The following TMUB2 variants were observed in gnomAD, a reference collection of about 807,000 sequenced individuals.
TMUB2 encodes transmembrane and ubiquitin like domain containing 2.
A neutral mutation model predicts 20.2 loss-of-function variants in TMUB2; 19 were observed. That is an observed-to-expected ratio of 0.94 (90% CI 0.66 to 1.38). The LOEUF (loss-of-function observed/expected upper bound fraction) is 1.38. Ranked by LOEUF, TMUB2 falls within the 40% of genes most tolerant of loss-of-function variation. The probability of loss-of-function intolerance (pLI) is 0.00; values close to 1 mark genes in which losing one functional copy is unlikely to be tolerated. For missense variants in TMUB2, 426 were observed against 402.5 expected, an observed-to-expected ratio of 1.06 and a Z score of -0.50; for synonymous variants, 186 against 166.0, an observed-to-expected ratio of 1.12 and a Z score of -0.92.
rs186000803 is a variant in TMUB2, at chr17:44,187,561, C to T, written c.-33-115C>T. 917 of 649,436 alleles carry T rather than the reference C, an allele frequency of 1.4e-3. 12 individuals carry two copies. In the African/African-American group the frequency reaches 0.014, roughly 10 times the overall value. The allele number at this position is 649,436 out of a possible 1,614,324, so 40.2% of individuals were successfully genotyped here. ...TGCCAATCGTTTTCGTCTTTCTTTG[C>T]CGCAGTTTCTTTTCCTGTAAATCAT... On this transcript the variant is annotated intron_variant, in intron 1 of 3. Coordinates refer to ENST00000538716, the MANE Select transcript of TMUB2 (RefSeq NM_001076674.3).
chr17:44,189,203 G>A lies in TMUB2; in HGVS notation c.217G>A (p.Ala73Thr), dbSNP rs1343940540. The A allele has an allele frequency of 6.2e-7, 1 of 1,614,124 alleles. No homozygotes were observed. Among genetic ancestry groups the A allele is most frequent in the South Asian group, 1.1e-5 (1 of 91,086 alleles). The stretch of plus-strand genomic sequence containing the variant: ...CCAGCTCCTGGGCGCTATTGTGTCA[G>A]CAGGCGACACATCCGTCCTCCACCT... ...SNQLLGAIVSAGDTSVLHLGH... is the reference protein window; with the variant it reads ...SNQLLGAIVSTGDTSVLHLGH... The change falls in exon 3 of 4, where the codon GCA (alanine) becomes ACA (threonine). Residue 73 changes from alanine to threonine, a missense_variant. Ala to Thr is a moderately conservative substitution (Grantham distance 58). Coordinates refer to ENST00000538716, the MANE Select transcript of TMUB2 (RefSeq NM_001076674.3).
chr17:44,189,520 C>G lies in TMUB2; in HGVS notation c.534C>G (p.Leu178=). ...PPSPGLITVR[L]KFLNDTEELA... Reference sequence around the variant, plus strand: ...GCCCTGGCCTCATCACTGTGCGGCTCAAATTCCTCAATGATACCGAGGAGC... The same window carrying G: ...GCCCTGGCCTCATCACTGTGCGGCTGAAATTCCTCAATGATACCGAGGAGC... Residue 178 remains leucine, a synonymous_variant, in exon 3 of 4, where the codon CTC becomes CTG. Coordinates refer to ENST00000538716, the MANE Select transcript of TMUB2 (RefSeq NM_001076674.3). 1 of 1,613,682 alleles carries G rather than the reference C, an allele frequency of 6.2e-7. No homozygotes were observed. Among genetic ancestry groups the G allele is most frequent in the Non-Finnish European group, 8.5e-7 (1 of 1,179,784 alleles).
At position 44,191,904 on chromosome 17, in the gene TMUB2, A is replaced by G. The variant is rs2055664542; in HGVS notation, c.*1040A>G. 4.6e-6 allele frequency: 1 copy of G among 217,872 alleles called. No individual in the cohort carries two copies. Among genetic ancestry groups the G allele is most frequent in the Non-Finnish European group, 7.8e-6 (1 of 127,976 alleles). 13.5% of individuals were successfully genotyped at this position (217,872 alleles called of 1,614,324 possible). A position where few individuals can be genotyped will look rare whatever the true frequency, so the allele number is the denominator to read the frequency against. Reference sequence around the variant, plus strand: ...GCTACCTGTACAGAATGGATTACATATGCAAAAATAAAAATCTCAAGACCA... The same window carrying G: ...GCTACCTGTACAGAATGGATTACATGTGCAAAAATAAAAATCTCAAGACCA... On this transcript the variant is annotated 3_prime_UTR_variant, in exon 4 of 4. Coordinates refer to ENST00000538716, the MANE Select transcript of TMUB2 (RefSeq NM_001076674.3).
Position 44,190,528 on chromosome 17 carries a change from G to C in TMUB2, c.630G>C (p.Gln210His). The C allele has an allele frequency of 6.2e-7, 1 of 1,609,748 alleles. No individual in the cohort carries two copies. The highest frequency in any genetic ancestry group is 8.5e-7 in the Non-Finnish European group (1 of 1,177,192). ...AATACTTCCCTGGACAAGAAAGCCA[G>C]ATGAAACTGATCTACCAGGGCCGCC... ...KSKYFPGQES[Q>H]MKLIYQGRLL... The change falls in exon 4 of 4, where the codon CAG becomes CAC. Residue 210 changes from glutamine to histidine, a missense_variant. Gln to His is a conservative substitution (Grantham distance 24). Transcript: ENST00000538716.
At position 44,191,053 on chromosome 17, in the gene TMUB2, C is replaced by T. The variant is rs183912955; in HGVS notation, c.*189C>T. On this transcript the variant is annotated 3_prime_UTR_variant, in exon 4 of 4. Transcript: ENST00000538716. ...TCCACAGGAGTACAGATGTCCCTCC[C>T]GTGCGAGCACAACTCAGGTAGAAAT... is the stretch of plus-strand genomic sequence containing the variant. 2.4e-5 allele frequency: 34 copies of T among 1,397,990 alleles called. No homozygotes were observed. Among genetic ancestry groups the T allele is most frequent in the Middle Eastern group, 2.7e-4 (1 of 3,728 alleles). 86.6% of individuals were successfully genotyped at this position (1,397,990 alleles called of 1,614,324 possible).
Position 44,191,650 on chromosome 17 carries a change from G to A in TMUB2, c.*786G>A, listed in dbSNP as rs2055609806. 8.1e-6 allele frequency: 8 copies of A among 985,708 alleles called. No homozygotes were observed. The African/African-American group carries it at 1.0e-4, about 13-fold the overall frequency. 61.1% of individuals were successfully genotyped at this position (985,708 alleles called of 1,614,324 possible). ...CAACTCCAAGGACTGGGTATGGATT[G>A]CTGGGCCCTAGGCTCTTGCTTCTGG... is the stretch of plus-strand genomic sequence containing the variant. On this transcript the variant is annotated 3_prime_UTR_variant, in exon 4 of 4. Transcript: ENST00000538716.
chr17:44,190,628 C>G lies in TMUB2; in HGVS notation c.730C>G (p.Pro244Ala). 1 of 1,614,244 alleles carries G rather than the reference C, an allele frequency of 6.2e-7. No individual in the cohort carries two copies. Among genetic ancestry groups the G allele is most frequent in the Non-Finnish European group, 8.5e-7 (1 of 1,180,046 alleles). Reference sequence around the variant, plus strand: ...CTGTGTGATTCACTGCCACCGCTCACCCCCAGGGTCAGCTGTTCCAGGCCC... The same window carrying G: ...CTGTGTGATTCACTGCCACCGCTCAGCCCCAGGGTCAGCTGTTCCAGGCCC... ...DNCVIHCHRS[P>A]PGSAVPGPSA... The change falls in exon 4 of 4, where the codon CCC (proline) becomes GCC (alanine). Residue 244 changes from proline to alanine, a missense_variant. Physicochemically the swap from Pro to Ala is conservative, Grantham distance 27. Transcript: ENST00000538716.
intron 2 of TMUB2, 127 bp downstream of exon 2, chr17:44,187,870 C>T (rs914048622): frequency 1.5e-6 from 1 of 688,122 alleles, no homozygotes; most frequent in East Asian, 2.7e-5. Context: ...AACTCCAGGG[C>T]CGGTATATTA....
chr17:44,188,769 T>A (rs1336180987), intron 2 of TMUB2: 2 of 453,368 alleles, frequency 4.4e-6, no homozygotes, highest in East Asian at 7.5e-5. Flanking sequence ...CCACACTCAT[T>A]GGGAAGTTGG....
At chr17:44,187,211 C>T (rs2054562853) in intron 1 of TMUB2, 102 bp downstream of exon 1, 1 of 156,396 alleles carries the variant, frequency 6.4e-6, no homozygotes, top group African/African-American at 2.4e-5. Flanking sequence ...CCAGCCCCGC[C>T]CCGAAGTTTG....
chr17:44,187,578 G>A, intron 1 of TMUB2, 98 bp from the exon 2 acceptor site: 1 of 669,508 alleles, frequency 1.5e-6, no homozygotes. Context: ...TTCTTTTCCT[G>A]TAAATCATGG....
chr17:44,190,758 A>G lies in TMUB2; in HGVS notation c.860A>G (p.Tyr287Cys). 1.2e-6 allele frequency: 2 copies of G among 1,614,150 alleles called. No homozygotes were observed. The highest frequency in any genetic ancestry group is 1.7e-6 in the Non-Finnish European group (2 of 1,180,032). Residue 287 changes from tyrosine to cysteine, a missense_variant, in exon 4 of 4, where the codon TAC becomes TGC. Transcript: ENST00000538716. Reference protein sequence around the residue: ...VFVVLLGVVWYFRINYRQFFT... With the variant: ...VFVVLLGVVWCFRINYRQFFT... Reference sequence around the variant, plus strand: ...GTGGTGCTGTTGGGTGTGGTCTGGTACTTCCGAATCAATTACCGCCAATTC... The same window carrying G: ...GTGGTGCTGTTGGGTGTGGTCTGGTGCTTCCGAATCAATTACCGCCAATTC...
chr17:44,189,651 G>C (rs2055072973), intron 3 of TMUB2, 63 bp downstream of exon 3: 1 of 1,440,394 alleles, frequency 6.9e-7, no homozygotes, highest in African/African-American at 1.4e-5. Flanking sequence ...TTGCCTCTAA[G>C]GAGGCTGGTG....
At position 44,190,980 on chromosome 17, in the gene TMUB2, A is replaced by G; in HGVS notation, c.*116A>G. ...GAGGGGTGGAAAGGATGTGATGGAAATCTCCTCCATAGGACACAGGAGGCA... is the reference window on the plus strand; with the variant it reads ...GAGGGGTGGAAAGGATGTGATGGAAGTCTCCTCCATAGGACACAGGAGGCA... On this transcript the variant is annotated 3_prime_UTR_variant, in exon 4 of 4. Coordinates refer to ENST00000538716, the MANE Select transcript of TMUB2 (RefSeq NM_001076674.3). 2 of 1,502,426 alleles carry G rather than the reference A, an allele frequency of 1.3e-6. No individual in the cohort carries two copies. Among genetic ancestry groups the G allele is most frequent in the Non-Finnish European group, 1.8e-6 (2 of 1,134,982 alleles). The allele number at this position is 1,502,426 out of a possible 1,614,324, so 93.1% of individuals were successfully genotyped here.
Position 44,190,636 on chromosome 17 carries a change from G to A in TMUB2, c.738G>A (p.Gly246=). 1 of 1,614,190 alleles carries A rather than the reference G, an allele frequency of 6.2e-7. No individual in the cohort carries two copies. The highest frequency in any genetic ancestry group is 8.5e-7 in the Non-Finnish European group (1 of 1,180,036). The change falls in exon 4 of 4, where the codon GGG becomes GGA. Residue 246 remains glycine (G), a synonymous_variant. Coordinates refer to ENST00000538716, the MANE Select transcript of TMUB2 (RefSeq NM_001076674.3). ...CVIHCHRSPP[G]SAVPGPSASL... is the part of the protein sequence containing the mutation. ...TTCACTGCCACCGCTCACCCCCAGG[G>A]TCAGCTGTTCCAGGCCCCTCAGCCT...
Position 44,191,399 on chromosome 17 carries a change from C to G in TMUB2, c.*535C>G, listed in dbSNP as rs1306093782. ...GCACCTAGCCGCCTTCACCTTCTTC[C>G]TCTACCCCTTAGCAGGAATAGGGTG... On this transcript the variant is annotated 3_prime_UTR_variant, in exon 4 of 4. Transcript: ENST00000538716. The G allele has an allele frequency of 2.0e-6, 2 of 987,206 alleles. No individual in the cohort carries two copies. Among genetic ancestry groups the G allele is most frequent in the Non-Finnish European group, 1.2e-6 (1 of 830,902 alleles). The allele number at this position is 987,206 out of a possible 1,614,324, so 61.2% of individuals were successfully genotyped here. A position where few individuals can be genotyped will look rare whatever the true frequency, so the allele number is the denominator to read the frequency against.
chr17:44,187,671 T>C lies in TMUB2; in HGVS notation c.-33-5T>C, dbSNP rs766309550. 9 of 718,264 alleles carry C rather than the reference T, an allele frequency of 1.3e-5. No homozygotes were observed. The highest frequency in any genetic ancestry group is 1.2e-4 in the African/African-American group (7 of 57,272). The allele number at this position is 718,264 out of a possible 1,614,324, so 44.5% of individuals were successfully genotyped here. On this transcript the variant is annotated splice_polypyrimidine_tract_variant and splice_region_variant and intron_variant, in intron 1 of 3. Coordinates refer to ENST00000538716, the MANE Select transcript of TMUB2 (RefSeq NM_001076674.3). ...CTACCGTTATTAAGCAATTGCAATT[T>C]GCAGTGTGCCAGGCACTGTGCCAAG...
intron 2 of TMUB2, 105 bp from the exon 3 acceptor site, chr17:44,188,917 C>CTTT: frequency 1.9e-5 from 24 of 1,293,058 alleles, no homozygotes; most frequent in South Asian, 5.0e-5. Flanking sequence ...CACTGAACTC[C>CTTT]TTTTTTTTTT....
At chr17:44,190,349 C>CAAAAA (rs34097625) in intron 3 of TMUB2, 152 bp from the exon 4 acceptor site, 14 of 324,826 alleles carry the variant, frequency 4.3e-5, no homozygotes, top group African/African-American at 1.2e-4. Context: ...GACTCCGTCT[C>CAAAAA]AAAAAAAAAA....
Sources: allele counts gnomAD v4.1 joint callset, GRCh38; gene constraint gnomAD v4.1.1; transcripts MANE v1.5; gene names NCBI Gene and HGNC (gene_info 2026-07-23, HGNC 2026-07-21).